The following ZBP1 variants were observed in gnomAD, a reference collection of about 807,000 sequenced individuals.
The protein encoded by ZBP1 is Z-DNA binding protein 1, also known as Z-DNA-binding protein 1.
In ZBP1, 42 loss-of-function variants were observed where a neutral mutation model predicts 41.1. The ratio of observed to expected loss-of-function variants is 1.02; its 90% CI spans 0.80 to 1.32. The LOEUF is 1.32. ZBP1 is among the 40% of genes most tolerant of loss of function. The pLI, the probability that ZBP1 is intolerant of heterozygous loss-of-function variation, is 0.00. For synonymous variants in ZBP1, 214 were observed against 205.2 expected (o/e 1.04, Z -0.37); for missense variants, 562 against 549.7 (o/e 1.02, Z -0.22).
chr20:57,616,430 C>A lies in ZBP1; in HGVS notation c.73G>T (p.Ala25Ser), dbSNP rs1427799728. 1 of 1,613,970 alleles carries A rather than the reference C, an allele frequency of 6.2e-7. No homozygotes were observed. Among genetic ancestry groups the A allele is most frequent in the South Asian group, 1.1e-5 (1 of 91,076 alleles). ...TGGGCAAGTTTCACCGGGGAGCCAGCCTCTGTCAGCACCTGCAGGATTCTT... is the reference window on the plus strand; with the variant it reads ...TGGGCAAGTTTCACCGGGGAGCCAGACTCTGTCAGCACCTGCAGGATTCTT... Reference protein sequence around the residue: ...EQRILQVLTEAGSPVKLAQLV... With the variant: ...EQRILQVLTESGSPVKLAQLV... Residue 25 changes from alanine (A) to serine (S), a missense_variant, in exon 2 of 8, where the codon GCT becomes TCT. Coordinates refer to ENST00000371173, the MANE Select transcript of ZBP1 (RefSeq NM_030776.3).
rs372268049 is a variant in ZBP1 at position 57,605,408 on chromosome 20, T to C, written c.1094-639A>G. 5.9e-5 allele frequency among the ~76,000 whole-genome samples: 9 copies of C among 152,372 alleles called. No homozygotes were observed. In the South Asian group the frequency reaches 1.9e-3, roughly 32 times the overall value. On this transcript the variant is annotated intron_variant, in intron 7 of 7. Coordinates refer to ENST00000371173, the MANE Select transcript of ZBP1 (RefSeq NM_030776.3). Reference sequence around the variant, plus strand: ...TAATCCTCACAATATTTCACACTTTTTCATTTTGATTATATGTGTTATGGT... The same window carrying C: ...TAATCCTCACAATATTTCACACTTTCTCATTTTGATTATATGTGTTATGGT...
chr20:57,615,234 G>C (rs1232831338), intron 3 of ZBP1, 174 bp from the exon 4 acceptor site: 3 of 749,556 alleles, frequency 4.0e-6, no homozygotes, highest in Non-Finnish European at 6.5e-6. Flanking sequence ...TGCCCTGAGG[G>C]TGGGGGATGT....
In ZBP1 at chr20:57,610,694, C is replaced by T. The variant is rs545726342; in HGVS notation, c.875-327G>A. 88 of 400,834 alleles carry T rather than the reference C, an allele frequency of 2.2e-4. No homozygotes were observed. Among genetic ancestry groups the T allele is most frequent in the Non-Finnish European group, 3.7e-4 (80 of 216,968 alleles). 24.8% of individuals were successfully genotyped at this position (400,834 alleles called of 1,614,324 possible). ...CTGCCTGCTTCCCACTGCACTGGAA[C>T]ACTGGCCCCCACTTTTGGTTGAAAT... On this transcript the variant is annotated intron_variant, in intron 6 of 7. Transcript: ENST00000371173. This position sits in a 1 kb window ranked among gnomAD's most constrained non-coding sequence, Gnocchi z 5.5.
chr20:57,610,944 T>A lies in ZBP1; in HGVS notation c.875-577A>T, dbSNP rs1036412087. ...ACCAGCCTGGCCCCTCTCTGGAGACTCCTTTCCCGGGGCCTCTGCTTTCCT... is the reference window on the plus strand; with the variant it reads ...ACCAGCCTGGCCCCTCTCTGGAGACACCTTTCCCGGGGCCTCTGCTTTCCT... On this transcript the variant is annotated intron_variant, in intron 6 of 7. Coordinates refer to ENST00000371173, the MANE Select transcript of ZBP1 (RefSeq NM_030776.3). The surrounding 1 kb of genome is among the most constrained non-coding windows in gnomAD (Gnocchi z 5.5). Among the ~76,000 whole-genome samples, 9 of 152,052 alleles carry A rather than the reference T, an allele frequency of 5.9e-5. No homozygotes were observed. The highest frequency in any genetic ancestry group is 2.2e-4 in the African/African-American group (9 of 41,378).
intron 5 of ZBP1, among the ~76,000 whole-genome samples, chr20:57,612,511 C>T (rs1288973731): frequency 6.6e-6 from 1 of 152,158 alleles, no homozygotes; most frequent in African/African-American, 2.4e-5. Context: ...ACAACTGAGG[C>T]TGACAGTGGG....
In ZBP1 at chr20:57,610,657, C is replaced by T. The variant is rs566516701; in HGVS notation, c.875-290G>A. ...AGTGTCTTCCTCTGGGATTCAGCTC[C>T]TCTCTCCTCTGCTGCCTGCTTCCCA... On this transcript the variant is annotated intron_variant, in intron 6 of 7. Coordinates refer to ENST00000371173, the MANE Select transcript of ZBP1 (RefSeq NM_030776.3). The surrounding 1 kb of genome is among the most constrained non-coding windows in gnomAD (Gnocchi z 5.5). The T allele has an allele frequency of 2.2e-5, 11 of 502,464 alleles. No homozygotes were observed. The highest frequency in any genetic ancestry group is 1.8e-4 in the South Asian group (8 of 44,904). The allele number at this position is 502,464 out of a possible 1,614,324, so 31.1% of individuals were successfully genotyped here.
Position 57,613,401 on chromosome 20 carries a change from A to T in ZBP1, c.503-71T>A. On this transcript the variant is annotated intron_variant, in intron 4 of 7. Transcript: ENST00000371173. The surrounding 1 kb of genome is among the most constrained non-coding windows in gnomAD (Gnocchi z 4.5). ...TCAGGGGTTCCCAATACCAGTCGGC[A>T]GCACCAAATTCTCCTGGGGAGCTTG... is the stretch of plus-strand genomic sequence containing the variant. 1 of 1,515,360 alleles carries T rather than the reference A, an allele frequency of 6.6e-7. No homozygotes were observed. The highest frequency in any genetic ancestry group is 9.0e-7 in the Non-Finnish European group (1 of 1,114,334). 93.9% of individuals were successfully genotyped at this position (1,515,360 alleles called of 1,614,324 possible).
Position 57,615,401 on chromosome 20 carries a change from G to T in ZBP1, c.328+111C>A, listed in dbSNP as rs1600740883. On this transcript the variant is annotated intron_variant, in intron 3 of 7. Coordinates refer to ENST00000371173, the MANE Select transcript of ZBP1 (RefSeq NM_030776.3). The stretch of plus-strand genomic sequence containing the variant: ...ACTGTATGGGAGCTGCCTGGTGGGT[G>T]GGACAGGGCCCCTGAACACTGGTGA... 4 of 1,169,640 alleles carry T rather than the reference G, an allele frequency of 3.4e-6. No individual in the cohort carries two copies. In the East Asian group the frequency reaches 9.5e-5, roughly 28 times the overall value. The allele number at this position is 1,169,640 out of a possible 1,614,324, so 72.5% of individuals were successfully genotyped here. A position where few individuals can be genotyped will look rare whatever the true frequency, so the allele number is the denominator to read the frequency against.
chr20:57,610,403 G>A lies in ZBP1; in HGVS notation c.875-36C>T. ...AAGGGAGAGAGGCCTGGAGCCAGGAGCAGCTGGACAGTGGCCGGGAACCCT... is the reference window on the plus strand; with the variant it reads ...AAGGGAGAGAGGCCTGGAGCCAGGAACAGCTGGACAGTGGCCGGGAACCCT... On this transcript the variant is annotated intron_variant, in intron 6 of 7. Transcript: ENST00000371173. The surrounding 1 kb of genome is among the most constrained non-coding windows in gnomAD (Gnocchi z 5.5). The A allele has an allele frequency of 6.2e-7, 1 of 1,609,634 alleles. No homozygotes were observed. The highest frequency in any genetic ancestry group is 8.5e-7 in the Non-Finnish European group (1 of 1,176,284).
chr20:57,604,917 C>T, intron 7 of ZBP1, 148 bp from the exon 8 acceptor site: 1 of 754,802 alleles, frequency 1.3e-6, no homozygotes. Context: ...CAGGGAGCCC[C>T]ACCTTTTCAC....
intron 1 of ZBP1, among the ~76,000 whole-genome samples, chr20:57,619,940 G>A (rs1341583806): frequency 2.6e-5 from 4 of 151,672 alleles, no homozygotes. Flanking sequence ...GGGTTCAAGC[G>A]ATTCTCCAGC....
chr20:57,604,832 C>A (rs2070456474), intron 7 of ZBP1, 63 bp from the exon 8 acceptor site: 3 of 1,482,022 alleles, frequency 2.0e-6, no homozygotes, highest in Non-Finnish European at 2.8e-6. Context: ...TCCACAGGGA[C>A]CCGCTCTTGG....
chr20:57,611,934 G>T lies in ZBP1; in HGVS notation c.671-4C>A. The T allele has an allele frequency of 1.9e-6, 3 of 1,553,756 alleles. No homozygotes were observed. Among genetic ancestry groups the T allele is most frequent in the Non-Finnish European group, 1.7e-6 (2 of 1,148,010 alleles). ...AGGTGGCGTGGACCGGCGGAACCTG[G>T]CAGGGGACAGTGGCACAGCCTCACC... is the stretch of plus-strand genomic sequence containing the variant. On this transcript the variant is annotated splice_region_variant and splice_polypyrimidine_tract_variant and intron_variant, in intron 5 of 7. Coordinates refer to ENST00000371173, the MANE Select transcript of ZBP1 (RefSeq NM_030776.3).
Position 57,604,550 on chromosome 20 carries a change from C to G in ZBP1, c.*23G>C. ...CATGCGCCCACCCCCAGCCTGTGTC[C>G]AAGCCCCACGTGAGGCTGTGCACTA... On this transcript the variant is annotated 3_prime_UTR_variant, in exon 8 of 8. Transcript: ENST00000371173. 4.4e-6 allele frequency: 7 copies of G among 1,608,978 alleles called. No individual in the cohort carries two copies. Among genetic ancestry groups the G allele is most frequent in the Non-Finnish European group, 5.9e-6 (7 of 1,176,926 alleles).
In ZBP1 at chr20:57,611,912, T is replaced by C. The variant is rs2070685321; in HGVS notation, c.689A>G (p.His230Arg). 2 of 1,562,502 alleles carry C rather than the reference T, an allele frequency of 1.3e-6. No individual in the cohort carries two copies. Among genetic ancestry groups the C allele is most frequent in the Non-Finnish European group, 1.7e-6 (2 of 1,152,762 alleles). Residue 230 changes from histidine to arginine, a missense_variant, in exon 6 of 8, where the codon CAC becomes CGC. Physicochemically the swap from His to Arg is conservative, Grantham distance 29. Coordinates refer to ENST00000371173, the MANE Select transcript of ZBP1 (RefSeq NM_030776.3). ...ATCACCTGGTGCCATTGAAGGGAGGTGGCGTGGACCGGCGGAACCTGGCAG... is the reference window on the plus strand; with the variant it reads ...ATCACCTGGTGCCATTGAAGGGAGGCGGCGTGGACCGGCGGAACCTGGCAG... ...SREDGSAGPR[H>R]LPSMAPGDSS...
intron 7 of ZBP1, among the ~76,000 whole-genome samples, chr20:57,609,520 C>T (rs2070590787): frequency 6.6e-6 from 1 of 151,806 alleles, no homozygotes; most frequent in Admixed American, 6.6e-5. Flanking sequence ...CAGCGGCTCT[C>T]TGTACCCTCT....
At position 57,604,043 on chromosome 20, in the gene ZBP1, A is replaced by AT. The variant is rs534772085; in HGVS notation, c.*529dup. The AT allele has an allele frequency of 0.035, 6,255 of 178,198 alleles. 95 individuals are homozygous for AT. The highest frequency in any genetic ancestry group is 0.063 in the South Asian group (710 of 11,334). The allele number at this position is 178,198 out of a possible 1,614,324, so 11.0% of individuals were successfully genotyped here. ...CCACAACGCCCGGCTAATTTTTTGTATTTTTTTTTTTAGTAGAGACGGGGT... is the reference window on the plus strand; with the variant it reads ...CCACAACGCCCGGCTAATTTTTTGTATTTTTTTTTTTTAGTAGAGACGGGGT... On this transcript the variant is annotated 3_prime_UTR_variant, in exon 8 of 8. Coordinates refer to ENST00000371173, the MANE Select transcript of ZBP1 (RefSeq NM_030776.3).
At chr20:57,616,517 C>T in intron 1 of ZBP1, 49 bp from the exon 2 acceptor site, 3 of 1,603,030 alleles carry the variant, frequency 1.9e-6, no homozygotes, top group Middle Eastern at 4.4e-4. Flanking sequence ...CTCCCAGGTC[C>T]CCACAGTTGA....
chr20:57,607,076 A>G (rs1163158167), intron 7 of ZBP1: 2 of 1,301,664 alleles, frequency 1.5e-6, no homozygotes, highest in Admixed American at 2.3e-5. Flanking sequence ...TTCAATAAAT[A>G]TATTTTATGA....
Sources: allele counts gnomAD v4.1 joint callset (sites outside exome capture counted in the v4.1 genomes callset), GRCh38; gene constraint gnomAD v4.1.1; non-coding constraint Gnocchi (gnomAD v3.1); transcripts MANE v1.5; gene names NCBI Gene and HGNC (gene_info 2026-07-23, HGNC 2026-07-21).